NRXN1: variants seen among roughly 807,000 people sequenced by gnomAD.
NRXN1 encodes the protein neurexin-1.
Under a neutral mutation model 150.9 loss-of-function variants are expected in NRXN1, and 39 were observed. That is an observed-to-expected ratio of 0.26 (90% confidence interval 0.20 to 0.34). NRXN1 has a LOEUF of 0.34. Ranked by LOEUF, NRXN1 falls within the 10% of genes least tolerant of loss-of-function variation. NRXN1 has a pLI of 1.00. For missense variants in NRXN1, 1,815 were observed against 1,949.9 expected (o/e 0.93, Z 1.30); for synonymous variants, 924 against 757.0 (o/e 1.22, Z -3.62).
At position 50,553,044 on chromosome 2, in the gene NRXN1, A is replaced by C. The variant is rs754325368; in HGVS notation, c.1321-19T>G. On this transcript the variant is annotated intron_variant, in intron 8 of 22. Coordinates refer to ENST00000401669, the MANE Select transcript of NRXN1 (RefSeq NM_001330078.2). ...ATACAACCTGTGGGCAGAGGATAGC[A>C]GTGAGAAACTAGCCTCCATATTTTA... 13 of 1,531,428 alleles carry C rather than the reference A, an allele frequency of 8.5e-6. No individual in the cohort carries two copies. In the East Asian group the frequency reaches 2.9e-4, roughly 35 times the overall value. The allele number at this position is 1,531,428 out of a possible 1,614,324, so 94.9% of individuals were successfully genotyped here.
chr2:51,018,142 G>A (rs950594201), intron 2 of NRXN1, among the ~76,000 whole-genome samples: 14 of 152,052 alleles, frequency 9.2e-5, no homozygotes, highest in African/African-American at 3.4e-4. Context: ...CATCAGTTGT[G>A]TTTCCATCAT....
intron 18 of NRXN1, among the ~76,000 whole-genome samples, chr2:50,222,749 G>T (rs76583923): frequency 1.3e-5 from 2 of 151,724 alleles, no homozygotes; most frequent in Non-Finnish European, 2.9e-5. Flanking sequence ...AAATACTCAA[G>T]TTGCAGAATA....
intron 5 of NRXN1, among the ~76,000 whole-genome samples, chr2:50,758,772 A>T (rs1042163252): frequency 1.3e-5 from 2 of 151,906 alleles, no homozygotes; most frequent in African/African-American, 4.8e-5. Flanking sequence ...AAAAAGTAAA[A>T]ATAACACCTT....
intron 2 of NRXN1, among the ~76,000 whole-genome samples, chr2:50,991,487 G>A (rs1392584740): frequency 3.9e-5 from 6 of 151,902 alleles, no homozygotes; most frequent in East Asian, 1.9e-4. Context: ...CTCAACTATG[G>A]TCCTACTGCA....
At chr2:50,337,949 T>C (rs1220306742) in intron 17 of NRXN1, among the ~76,000 whole-genome samples, 1 of 152,342 alleles carries the variant, frequency 6.6e-6, no homozygotes, top group Non-Finnish European at 1.5e-5. Context: ...ACAAGACTTT[T>C]GTATAAAGAT....
At chr2:50,802,010 T>C (rs773268741) in intron 5 of NRXN1, among the ~76,000 whole-genome samples, 5 of 152,144 alleles carry the variant, frequency 3.3e-5, no homozygotes, top group South Asian at 2.1e-4. Context: ...AAAATTGTCC[T>C]CTTTGAGATT....
intron 17 of NRXN1, among the ~76,000 whole-genome samples, chr2:50,254,463 G>T: frequency 1.3e-5 from 2 of 150,404 alleles, no homozygotes; most frequent in Admixed American, 6.6e-5. Context: ...CTACCTTTTG[G>T]GTTTGTTGGC....
chr2:50,165,803 ATAT>A (rs2059646006), intron 18 of NRXN1, among the ~76,000 whole-genome samples: 1 of 152,190 alleles, frequency 6.6e-6, no homozygotes. Context: ...GCAAACAATG[ATAT>A]TATTACTTAA....
chr2:50,381,155 A>G (rs563835518), intron 17 of NRXN1, among the ~76,000 whole-genome samples: 1 of 152,254 alleles, frequency 6.6e-6, no homozygotes, highest in Non-Finnish European at 1.5e-5. Context: ...AAGCCCAAAG[A>G]GTTCAGGTTG....
chr2:50,957,602 A>G (rs1014941174), intron 2 of NRXN1, among the ~76,000 whole-genome samples: 3 of 152,178 alleles, frequency 2.0e-5, no homozygotes, highest in African/African-American at 4.8e-5. Flanking sequence ...TAATCAATAA[A>G]TGATTCTGCG....
At chr2:50,219,936 T>TA (rs1483536409) in intron 18 of NRXN1, among the ~76,000 whole-genome samples, 41,569 of 93,500 alleles carry the variant, frequency 0.44, 9,238 homozygotes, top group African/African-American at 0.5. Context: ...ATTATATATA[T>TA]TATATATTAT....
At chr2:50,106,858 C>T (rs1701713071) in intron 18 of NRXN1, among the ~76,000 whole-genome samples, 1 of 151,862 alleles carries the variant, frequency 6.6e-6, no homozygotes, top group African/African-American at 2.4e-5. Context: ...GGATTATTTA[C>T]TCATCATTTA....
chr2:50,422,536 C>T (rs1339042424), intron 17 of NRXN1, among the ~76,000 whole-genome samples: 1 of 152,186 alleles, frequency 6.6e-6, no homozygotes, highest in Admixed American at 6.5e-5. Context: ...TGCTTCTCAA[C>T]TGAAGTTGCC....
intron 2 of NRXN1, among the ~76,000 whole-genome samples, chr2:50,987,116 ACT>A (rs1697843775): frequency 6.6e-6 from 1 of 151,508 alleles, no homozygotes; most frequent in African/African-American, 2.4e-5. Flanking sequence ...AAAAACAAAA[ACT>A]CATTTTTTTC....
intron 19 of NRXN1, among the ~76,000 whole-genome samples, chr2:50,056,322 T>C (rs1206934360): frequency 6.6e-6 from 1 of 152,158 alleles, no homozygotes; most frequent in African/African-American, 2.4e-5. Context: ...CCCAGCATAA[T>C]ACTGATTACA....
chr2:50,207,149 T>A (rs1438258466), intron 18 of NRXN1, among the ~76,000 whole-genome samples: 1 of 152,136 alleles, frequency 6.6e-6, no homozygotes, highest in African/African-American at 2.4e-5. Flanking sequence ...CAATACGATG[T>A]GCTAGATTTC....
chr2:50,813,190 CT>C (rs1559298865), intron 5 of NRXN1, among the ~76,000 whole-genome samples: 1 of 147,776 alleles, frequency 6.8e-6, no homozygotes. Context: ...AACACCTTGT[CT>C]CAAAAAAAAA....
chr2:50,390,227 G>A (rs562141646), intron 17 of NRXN1, among the ~76,000 whole-genome samples: 4 of 152,236 alleles, frequency 2.6e-5, no homozygotes, highest in South Asian at 2.1e-4. Flanking sequence ...TCACCTGGAG[G>A]ACAATGGGGT....
chr2:49,992,985 T>G (rs1286834499), intron 21 of NRXN1, among the ~76,000 whole-genome samples: 2 of 152,256 alleles, frequency 1.3e-5, no homozygotes, highest in East Asian at 3.8e-4. Flanking sequence ...ACAGCCATTT[T>G]GGAAGAGAGT....
Sources: allele counts gnomAD v4.1 joint callset (sites outside exome capture counted in the v4.1 genomes callset), GRCh38; gene constraint gnomAD v4.1.1; transcripts MANE v1.5; gene names NCBI Gene and HGNC (gene_info 2026-07-23, HGNC 2026-07-21).